The following CCNYL1 variants were observed in gnomAD, a reference collection of about 807,000 sequenced individuals.
CCNYL1 encodes the protein cyclin Y like 1, also known as cyclin-Y-like protein 1.
In CCNYL1, 16 loss-of-function variants were observed where a neutral mutation model predicts 44.2. The ratio of observed to expected loss-of-function variants is 0.36; its 90% CI spans 0.25 to 0.55. CCNYL1 has a LOEUF of 0.55. CCNYL1 is among the 20% of genes least tolerant of loss of function. CCNYL1 has a pLI of 0.85. For missense variants in CCNYL1, 348 were observed against 451.8 expected (o/e 0.77, Z 2.08); for synonymous variants, 159 against 163.2 (o/e 0.97, Z 0.20).
Position 207,711,896 on chromosome 2 carries a change from C to T in CCNYL1, c.-1C>T. 3 of 1,380,202 alleles carry T rather than the reference C, an allele frequency of 2.2e-6. No individual in the cohort carries two copies. The highest frequency in any genetic ancestry group is 2.8e-6 in the Non-Finnish European group (3 of 1,063,804). The allele number at this position is 1,380,202 out of a possible 1,614,324, so 85.5% of individuals were successfully genotyped here. ...GTGGCAGAGAGGAGCGGAGGCTTCC[C>T]ATGGGGAACACGCTGACCTGTTGCG... On this transcript the variant is annotated 5_prime_UTR_variant, in exon 1 of 10. Coordinates refer to ENST00000295414, the MANE Select transcript of CCNYL1 (RefSeq NM_001330218.2).
intron 2 of CCNYL1, among the ~76,000 whole-genome samples, chr2:207,726,131 G>C (rs943634927): frequency 6.6e-6 from 1 of 152,206 alleles, no homozygotes; most frequent in African/African-American, 2.4e-5. Context: ...TCAGTGGTAA[G>C]GAGTGTGTGC....
chr2:207,727,374 ATAT>A (rs2091688841), intron 3 of CCNYL1, among the ~76,000 whole-genome samples: 1 of 152,072 alleles, frequency 6.6e-6, no homozygotes, highest in Non-Finnish European at 1.5e-5. Context: ...GCTGAGTCAT[ATAT>A]TATTCTCACT....
intron 1 of CCNYL1, chr2:207,714,498 A>G (rs1319464667): frequency 3.2e-6 from 1 of 315,108 alleles, no homozygotes; most frequent in Non-Finnish European, 6.2e-6. Context: ...AGTGGATAAG[A>G]ATAAAAGTAG....
At position 207,729,641 on chromosome 2, in the gene CCNYL1, T is replaced by C. The variant is rs113430640; in HGVS notation, c.330+2765T>C. Among the ~76,000 whole-genome samples, 149 of 152,188 alleles carry C rather than the reference T, an allele frequency of 9.8e-4. No homozygotes were observed. In the Middle Eastern group the frequency reaches 0.01, roughly 10 times the overall value. The stretch of plus-strand genomic sequence containing the variant: ...GGGTCTTGTCTTGTCTTTTCTCTCT[T>C]CTTTTTTATCTCCTTTCCTTTCCTT... On this transcript the variant is annotated intron_variant, in intron 3 of 9. Coordinates refer to ENST00000295414, the MANE Select transcript of CCNYL1 (RefSeq NM_001330218.2).
intron 7 of CCNYL1, among the ~76,000 whole-genome samples, chr2:207,744,575 G>A (rs549893425): frequency 2.0e-5 from 3 of 149,672 alleles, no homozygotes; most frequent in East Asian, 2.0e-4. Flanking sequence ...TCGCCATGTT[G>A]GTCAGGCTAG....
chr2:207,744,028 T>G (rs2091833609), intron 7 of CCNYL1, among the ~76,000 whole-genome samples: 1 of 152,110 alleles, frequency 6.6e-6, no homozygotes, highest in Non-Finnish European at 1.5e-5. Flanking sequence ...AGACATTTTT[T>G]CAGGTAGTGG....
chr2:207,753,881 C>T lies in CCNYL1; in HGVS notation c.*183C>T. The T allele has an allele frequency of 4.0e-6, 2 of 496,670 alleles. No individual in the cohort carries two copies. Among genetic ancestry groups the T allele is most frequent in the Non-Finnish European group, 7.2e-6 (2 of 278,726 alleles). The allele number at this position is 496,670 out of a possible 1,614,324, so 30.8% of individuals were successfully genotyped here. On this transcript the variant is annotated 3_prime_UTR_variant, in exon 10 of 10. Coordinates refer to ENST00000295414, the MANE Select transcript of CCNYL1 (RefSeq NM_001330218.2). ...AGGAAAGAATGGGACCTTGTCAATGCAACAAAACACTCTTCTGTCCTTTTT... is the reference window on the plus strand; with the variant it reads ...AGGAAAGAATGGGACCTTGTCAATGTAACAAAACACTCTTCTGTCCTTTTT...
intron 8 of CCNYL1, 44 bp downstream of exon 8, chr2:207,747,257 T>C: frequency 6.6e-7 from 1 of 1,526,414 alleles, no homozygotes; most frequent in South Asian, 1.2e-5. Context: ...CATTTTCCAG[T>C]ATCTTATTCC....
intron 1 of CCNYL1, chr2:207,714,327 T>C: frequency 2.4e-6 from 1 of 419,712 alleles, no homozygotes; most frequent in South Asian, 1.7e-5. Context: ...TTTTTTTTTT[T>C]TTTTTTTTTT....
chr2:207,725,881 A>G (rs1395743343), intron 2 of CCNYL1, among the ~76,000 whole-genome samples: 1 of 152,200 alleles, frequency 6.6e-6, no homozygotes, highest in African/African-American at 2.4e-5. Flanking sequence ...CAGGTTTTTC[A>G]TTTGATTTCA....
At chr2:207,722,944 G>A (rs1247610510) in intron 1 of CCNYL1, among the ~76,000 whole-genome samples, 1 of 151,438 alleles carries the variant, frequency 6.6e-6, no homozygotes, top group African/African-American at 2.4e-5. Flanking sequence ...GGGCGAAAGA[G>A]TGAGACTCTT....
rs1441109390 is a variant in CCNYL1 at position 207,740,697 on chromosome 2, T to A, written c.510T>A (p.His170Gln). 1 of 1,601,942 alleles carries A rather than the reference T, an allele frequency of 6.2e-7. No homozygotes were observed. The highest frequency in any genetic ancestry group is 1.7e-5 in the Admixed American group (1 of 59,886). Residue 170 changes from histidine (H) to glutamine (Q), a missense_variant, in exon 6 of 10, where the codon CAT (histidine) becomes CAA (glutamine). By Grantham distance (24) the His-to-Gln change is conservative (BLOSUM62 0). Transcript: ENST00000295414. The stretch of plus-strand genomic sequence containing the variant: ...TGGATATTTTTGATGAGAGATCACA[T>A]CCACTTACAGTAAGTGTCACTTTTT... ...RSLDIFDERS[H>Q]PLTREKVPEE... is the part of the protein sequence containing the mutation.
rs918264234 is a variant in CCNYL1 at position 207,712,103 on chromosome 2, C to T, written c.207C>T (p.Arg69=). The part of the protein sequence containing the change: ...EGHHLQHISD[R]EMPEDLALES... ...ACCACCTGCAGCACATCAGCGACCG[C>T]GAGATGCCCGAAGGTAAGGAGGCGG... is the stretch of plus-strand genomic sequence containing the variant. The change falls in exon 1 of 10, where the codon CGC becomes CGT. Residue 69 remains arginine, a synonymous_variant. Coordinates refer to ENST00000295414, the MANE Select transcript of CCNYL1 (RefSeq NM_001330218.2). 6.3e-7 allele frequency: 1 copy of T among 1,599,952 alleles called. No individual in the cohort carries two copies.
chr2:207,719,687 A>G (rs1003821928), intron 1 of CCNYL1, among the ~76,000 whole-genome samples: 3 of 152,158 alleles, frequency 2.0e-5, no homozygotes, highest in Admixed American at 6.6e-5. Context: ...ACATATGAGA[A>G]GACAGGCTTT....
Position 207,754,109 on chromosome 2 carries a change from A to G in CCNYL1, c.*411A>G, listed in dbSNP as rs1468586906. Reference sequence around the variant, plus strand: ...TCCCTCCCCCCGCATTTTGCTGCATATGCCTTTAAAATCAATGCAGTATTA... The same window carrying G: ...TCCCTCCCCCCGCATTTTGCTGCATGTGCCTTTAAAATCAATGCAGTATTA... On this transcript the variant is annotated 3_prime_UTR_variant, in exon 10 of 10. Transcript: ENST00000295414. 3 of 156,380 alleles carry G rather than the reference A, an allele frequency of 1.9e-5. No individual in the cohort carries two copies. In the East Asian group the frequency reaches 5.7e-4, roughly 29 times the overall value. 9.7% of individuals were successfully genotyped at this position (156,380 alleles called of 1,614,324 possible). A position where few individuals can be genotyped will look rare whatever the true frequency, so the allele number is the denominator to read the frequency against.
intron 7 of CCNYL1, among the ~76,000 whole-genome samples, chr2:207,744,432 T>C (rs911679791): frequency 6.6e-6 from 1 of 152,022 alleles, no homozygotes. Context: ...AGTGGCTCAA[T>C]CTTGGCTCAC....
At chr2:207,739,129 C>T (rs1408050570) in intron 5 of CCNYL1, among the ~76,000 whole-genome samples, 1 of 152,234 alleles carries the variant, frequency 6.6e-6, no homozygotes, top group Non-Finnish European at 1.5e-5. Flanking sequence ...TAATAAGGTA[C>T]AAGTTTCTCC....
chr2:207,736,516 T>C (rs114927714), intron 4 of CCNYL1, among the ~76,000 whole-genome samples: 98 of 152,388 alleles, frequency 6.4e-4, no homozygotes, highest in African/African-American at 2.3e-3. Flanking sequence ...TTTGTAGTTT[T>C]ATGCTGCATT....
At chr2:207,718,570 A>G (rs1256694213) in intron 1 of CCNYL1, among the ~76,000 whole-genome samples, 1 of 152,218 alleles carries the variant, frequency 6.6e-6, no homozygotes, top group Non-Finnish European at 1.5e-5. Flanking sequence ...CAAGTCACAG[A>G]AAAATAAATG....
Sources: gnomAD v4.1 joint callset for allele counts (sites outside exome capture counted in the v4.1 genomes callset) on GRCh38, gnomAD v4.1.1 for gene constraint, MANE v1.5 for transcripts, NCBI Gene and HGNC (gene_info 2026-07-23, HGNC 2026-07-21) for gene names.